Variants in CLSTN2 observed in about 807,000 individuals in gnomAD.
The protein encoded by CLSTN2 is calsyntenin 2.
CLSTN2 carries 48 observed loss-of-function variants against 101.2 expected under a neutral mutation model. The observed-to-expected ratio is 0.47, with a 90% CI of 0.38 to 0.60. The LOEUF (loss-of-function observed/expected upper bound fraction) is 0.60, where lower values mean the gene tolerates loss of function less well. Among genes scored for constraint, CLSTN2 ranks in the 20% least tolerant of loss-of-function variants. The probability of loss-of-function intolerance (pLI) is 0.00; values close to 1 mark genes in which losing one functional copy is unlikely to be tolerated. For synonymous variants in CLSTN2, 481 were observed against 463.6 expected, an observed-to-expected ratio of 1.04 and a Z score of -0.48; for missense variants, 1,160 against 1,238.2, an observed-to-expected ratio of 0.94 and a Z score of 0.95.
chr3:140,315,018 A>G (rs538577834), intron 2 of CLSTN2, among the ~76,000 whole-genome samples: 2 of 152,336 alleles, frequency 1.3e-5, no homozygotes, highest in African/African-American at 2.4e-5. Context: ...TAAATGAGAG[A>G]GTTAGATCAC....
At chr3:140,161,422 T>A (rs927752100) in intron 1 of CLSTN2, among the ~76,000 whole-genome samples, 1 of 152,202 alleles carries the variant, frequency 6.6e-6, no homozygotes, top group Admixed American at 6.5e-5. Flanking sequence ...ATTATTCTCC[T>A]GACAGCATGC....
intron 8 of CLSTN2, among the ~76,000 whole-genome samples, chr3:140,495,087 A>G (rs1470150282): frequency 1.3e-5 from 2 of 152,186 alleles, no homozygotes; most frequent in Non-Finnish European, 2.9e-5. Context: ...CCAACTGTAT[A>G]AAAGTGCTTC....
intron 8 of CLSTN2, among the ~76,000 whole-genome samples, chr3:140,513,672 C>T (rs1378350448): frequency 2.0e-5 from 3 of 148,532 alleles, no homozygotes; most frequent in African/African-American, 7.5e-5. Context: ...GTAGGAATCC[C>T]TTCTTTTCAA....
intron 1 of CLSTN2, among the ~76,000 whole-genome samples, chr3:140,059,176 C>G (rs1560082388): frequency 6.6e-6 from 1 of 152,368 alleles, no homozygotes; most frequent in Admixed American, 6.5e-5. Flanking sequence ...AGCTAACATA[C>G]TAGCTCTTGC....
chr3:139,960,920 G>C (rs1334589139), intron 1 of CLSTN2, among the ~76,000 whole-genome samples: 1 of 152,190 alleles, frequency 6.6e-6, no homozygotes, highest in Non-Finnish European at 1.5e-5. Context: ...AAAAACTGAA[G>C]ATTATCTTGG....
chr3:140,196,658 G>T (rs913324906), intron 2 of CLSTN2, among the ~76,000 whole-genome samples: 1 of 152,138 alleles, frequency 6.6e-6, no homozygotes, highest in Admixed American at 6.5e-5. Flanking sequence ...CATCCACAGT[G>T]GGGGTAGAAA....
chr3:140,154,838 A>G (rs56009777), intron 1 of CLSTN2, among the ~76,000 whole-genome samples: 5,685 of 151,636 alleles, frequency 0.037, 225 homozygotes, highest in African/African-American at 0.1. Flanking sequence ...TAGAGATGGG[A>G]TTTCACCGTG....
intron 5 of CLSTN2, among the ~76,000 whole-genome samples, chr3:140,426,343 G>T (rs1464430875): frequency 6.6e-6 from 1 of 152,098 alleles, no homozygotes; most frequent in Non-Finnish European, 1.5e-5. Context: ...TGTTCTCATT[G>T]TTCAGCTCCC....
At chr3:140,554,906 TAA>T (rs1372389572) in intron 10 of CLSTN2, among the ~76,000 whole-genome samples, 7 of 152,154 alleles carry the variant, frequency 4.6e-5, no homozygotes, top group Admixed American at 4.6e-4. Flanking sequence ...ACTTTTGATA[TAA>T]GAAAGAAAAA....
At chr3:139,973,690 G>A (rs541683143) in intron 1 of CLSTN2, among the ~76,000 whole-genome samples, 12 of 152,118 alleles carry the variant, frequency 7.9e-5, no homozygotes, top group Non-Finnish European at 1.2e-4. Context: ...CCAGGCCAGA[G>A]TACAGTGGTA....
At chr3:140,340,217 A>C (rs1023691731) in intron 2 of CLSTN2, among the ~76,000 whole-genome samples, 1 of 152,246 alleles carries the variant, frequency 6.6e-6, no homozygotes, top group Non-Finnish European at 1.5e-5. Context: ...ATCTTAGCCC[A>C]GGCTAATTTG....
At chr3:140,084,831 G>C (rs76346654) in intron 1 of CLSTN2, among the ~76,000 whole-genome samples, 1 of 152,150 alleles carries the variant, frequency 6.6e-6, no homozygotes, top group Non-Finnish European at 1.5e-5. Context: ...CTACTTCCTA[G>C]CAACAGAGAA....
chr3:140,195,469 G>C (rs1158004610), intron 2 of CLSTN2, among the ~76,000 whole-genome samples: 1 of 151,826 alleles, frequency 6.6e-6, no homozygotes, highest in South Asian at 2.1e-4. Flanking sequence ...TTATGTCCAG[G>C]GTTTTAGTTT....
At chr3:140,243,970 A>G (rs1327428403) in intron 2 of CLSTN2, among the ~76,000 whole-genome samples, 1 of 152,216 alleles carries the variant, frequency 6.6e-6, no homozygotes, top group Admixed American at 6.5e-5. Context: ...TGTGCAACCA[A>G]GACCTATAGC....
intron 2 of CLSTN2, among the ~76,000 whole-genome samples, chr3:140,340,595 G>GTT (rs1322707682): frequency 6.6e-6 from 1 of 152,088 alleles, no homozygotes; most frequent in Non-Finnish European, 1.5e-5. Context: ...GGTACAGAGA[G>GTT]TTATCATAAA....
intron 2 of CLSTN2, among the ~76,000 whole-genome samples, chr3:140,348,814 T>C (rs2087578025): frequency 6.6e-6 from 1 of 152,218 alleles, no homozygotes; most frequent in Non-Finnish European, 1.5e-5. Flanking sequence ...GTGTCAAAGA[T>C]ACACATCCAC....
chr3:140,217,712 T>C (rs933261072), intron 2 of CLSTN2, among the ~76,000 whole-genome samples: 2 of 152,212 alleles, frequency 1.3e-5, no homozygotes, highest in African/African-American at 4.8e-5. Flanking sequence ...CCCTTCCCTT[T>C]GGTTTTCTCC....
intron 2 of CLSTN2, among the ~76,000 whole-genome samples, chr3:140,243,349 TA>T (rs2086487372): frequency 2.0e-5 from 3 of 152,362 alleles, no homozygotes; most frequent in Admixed American, 2.0e-4. Flanking sequence ...CATTGATGGG[TA>T]AATGATAAGT....
At position 140,111,105 on chromosome 3, in the gene CLSTN2, G is replaced by A. The variant is rs79877827; in HGVS notation, c.110-64846G>A. On this transcript the variant is annotated intron_variant, in intron 1 of 16. Transcript: ENST00000458420. Reference sequence around the variant, plus strand: ...TCCTATCTCATGGCTAATCATTCTTGAGGTCACTGCTATTCCAAGGGGGCC... The same window carrying A: ...TCCTATCTCATGGCTAATCATTCTTAAGGTCACTGCTATTCCAAGGGGGCC... 3.5e-3 allele frequency among the ~76,000 whole-genome samples: 531 copies of A among 152,264 alleles called. 1 individual carries two copies. Among genetic ancestry groups the A allele is most frequent in the Non-Finnish European group, 5.7e-3 (389 of 68,012 alleles).
Sources: gnomAD v4.1 joint callset for allele counts (sites outside exome capture counted in the v4.1 genomes callset) on GRCh38, gnomAD v4.1.1 for gene constraint, MANE v1.5 for transcripts, NCBI Gene and HGNC (gene_info 2026-07-23, HGNC 2026-07-21) for gene names.